Variants in GLI3 observed in about 807,000 individuals in gnomAD.
GLI3 encodes the protein GLI family zinc finger 3, also known as transcription activator GLI3.
A neutral mutation model predicts 100.8 loss-of-function variants in GLI3; 20 were observed. The ratio of observed to expected loss-of-function variants is 0.20; its 90% CI spans 0.14 to 0.29. The LOEUF (loss-of-function observed/expected upper bound fraction) is 0.29, where lower values mean the gene tolerates loss of function less well. GLI3 is among the 10% of genes least tolerant of loss of function. The pLI is 1.00. For missense variants in GLI3, 2,040 were observed against 2,128.5 expected, an observed-to-expected ratio of 0.96 and a Z score of 0.82; for synonymous variants, 938 against 860.5, an observed-to-expected ratio of 1.09 and a Z score of -1.58.
chr7:42,220,684 T>C (rs1488028572), intron 2 of GLI3, among the ~76,000 whole-genome samples: 3 of 152,246 alleles, frequency 2.0e-5, no homozygotes, highest in Non-Finnish European at 4.4e-5. Flanking sequence ...CCATGGTAAT[T>C]ATTAGCATCA....
chr7:42,255,055 C>A (rs1789071384), intron 1 of GLI3, among the ~76,000 whole-genome samples: 1 of 151,172 alleles, frequency 6.6e-6, no homozygotes, highest in African/African-American at 2.5e-5. Context: ...CTCTCTCTTA[C>A]ATCTTTTTTT....
At chr7:42,103,781 G>C (rs983246465) in intron 3 of GLI3, among the ~76,000 whole-genome samples, 3 of 152,150 alleles carry the variant, frequency 2.0e-5, no homozygotes, top group African/African-American at 7.2e-5. Flanking sequence ...AGTCAGGATG[G>C]GGCCCTAAAT....
chr7:42,232,492 G>A (rs188418902), intron 1 of GLI3, among the ~76,000 whole-genome samples: 12 of 151,688 alleles, frequency 7.9e-5, no homozygotes, highest in African/African-American at 2.4e-4. Context: ...GGCTGGGCCC[G>A]GGCAGACAAT....
At chr7:42,188,002 CAA>C (rs56140906) in intron 2 of GLI3, among the ~76,000 whole-genome samples, 11 of 85,274 alleles carry the variant, frequency 1.3e-4, no homozygotes, top group Admixed American at 1.3e-4. Flanking sequence ...GACTCCATCT[CAA>C]AAAAAAAAAA....
At chr7:42,242,148 GTCTT>G (rs995485139), upstream of GLI3, among the ~76,000 whole-genome samples, 1 of 152,088 alleles carries the variant, frequency 6.6e-6, no homozygotes, top group African/African-American at 2.4e-5. Flanking sequence ...GCAATGTTCT[GTCTT>G]TCTTTGAGTT....
Position 41,966,065 on chromosome 7 carries a change from C to G in GLI3, c.3008G>C (p.Arg1003Thr). 1 of 1,577,520 alleles carries G rather than the reference C, an allele frequency of 6.3e-7. No homozygotes were observed. The highest frequency in any genetic ancestry group is 1.1e-5 in the South Asian group (1 of 88,552). ...QPHDAPGHGV[R>T]RASDPVRTGS... is the part of the protein sequence containing the mutation. ...TGTCCGCACCGGGTCGCTGGCCCTC[C>G]TCACGCCGTGGCCCGGCGCATCGTG... The change falls in exon 15 of 15, where the codon AGG (arginine) becomes ACG (threonine). Residue 1003 changes from arginine to threonine, a missense_variant. Physicochemically the swap from Arg to Thr is moderately conservative, Grantham distance 71. Transcript: ENST00000395925. This position sits in a 1 kb window ranked among gnomAD's most constrained non-coding sequence, Gnocchi z 5.8.
chr7:42,230,175 G>A (rs939628106), intron 1 of GLI3, among the ~76,000 whole-genome samples: 4 of 144,272 alleles, frequency 2.8e-5, no homozygotes, highest in African/African-American at 1.0e-4. Flanking sequence ...ATTTTTTCAT[G>A]TATAATTATT....
chr7:42,110,081 C>T (rs1298602994), intron 3 of GLI3, among the ~76,000 whole-genome samples: 2 of 152,052 alleles, frequency 1.3e-5, no homozygotes, highest in East Asian at 3.9e-4. Flanking sequence ...TGCCTGAAGG[C>T]GGCCACAGAT....
At chr7:42,107,291 C>A (rs1024529416) in intron 3 of GLI3, among the ~76,000 whole-genome samples, 15 of 152,188 alleles carry the variant, frequency 9.9e-5, no homozygotes, top group African/African-American at 3.4e-4. Flanking sequence ...GATCACACCG[C>A]TGCACTCCAG....
intron 2 of GLI3, among the ~76,000 whole-genome samples, chr7:42,181,959 T>C (rs1003801398): frequency 4.6e-5 from 7 of 152,228 alleles, no homozygotes; most frequent in African/African-American, 1.4e-4. Flanking sequence ...GTGGTCCTTG[T>C]AGATGAGCTA....
At chr7:42,113,785 C>A (rs1361734319) in intron 3 of GLI3, among the ~76,000 whole-genome samples, 1 of 152,184 alleles carries the variant, frequency 6.6e-6, no homozygotes, top group Non-Finnish European at 1.5e-5. Context: ...GGATATATGT[C>A]CCTAATAGAA....
chr7:42,134,255 A>G (rs1158750298), intron 3 of GLI3, among the ~76,000 whole-genome samples: 1 of 152,166 alleles, frequency 6.6e-6, no homozygotes, highest in Non-Finnish European at 1.5e-5. Flanking sequence ...GCTCCCAGAC[A>G]TAAGAATACA....
upstream of GLI3, among the ~76,000 whole-genome samples, chr7:42,240,257 A>G (rs1052127171): frequency 1.6e-4 from 25 of 152,192 alleles, no homozygotes; most frequent in African/African-American, 6.0e-4. Context: ...AGAAATTTTA[A>G]TATAGTAAGT....
chr7:42,089,281 T>C (rs1785168027), intron 3 of GLI3, among the ~76,000 whole-genome samples: 1 of 152,198 alleles, frequency 6.6e-6, no homozygotes, highest in African/African-American at 2.4e-5. Context: ...TCAGAGGGTG[T>C]GGCCTACACT....
intron 4 of GLI3, among the ~76,000 whole-genome samples, chr7:42,062,575 C>T (rs1239374976): frequency 7.2e-6 from 1 of 139,090 alleles, no homozygotes; most frequent in Non-Finnish European, 1.6e-5. Flanking sequence ...ACTAAAGGAG[C>T]TTTTACCAGT....
chr7:42,043,519 G>A lies in GLI3; in HGVS notation c.826+1865C>T, dbSNP rs143052444. Among the ~76,000 whole-genome samples the A allele has an allele frequency of 3.9e-3, 601 of 152,198 alleles. 11 individuals carry two copies. Among genetic ancestry groups the A allele is most frequent in the Admixed American group, 0.027 (408 of 15,294 alleles). ...AAATATAAGCCAGAGAATTCTTATT[G>A]TTCTAACACAGATATCTCCGATCTG... On this transcript the variant is annotated intron_variant, in intron 6 of 14. Transcript: ENST00000395925.
Position 41,998,577 on chromosome 7 carries a change from C to T in GLI3, c.1498-19829G>A, listed in dbSNP as rs539058007. ...ACACCTCTCATCAGACTATGAAGTA[C>T]AAAATCCATTACTCCTAGTAAGAAA... On this transcript the variant is annotated intron_variant, in intron 10 of 14. Coordinates refer to ENST00000395925, the MANE Select transcript of GLI3 (RefSeq NM_000168.6). 1.6e-4 allele frequency among the ~76,000 whole-genome samples: 25 copies of T among 152,208 alleles called. No homozygotes were observed. In the South Asian group the frequency reaches 5.0e-3, roughly 30 times the overall value.
At chr7:42,193,753 C>T (rs893880994) in intron 2 of GLI3, among the ~76,000 whole-genome samples, 19 of 152,164 alleles carry the variant, frequency 1.2e-4, no homozygotes, top group African/African-American at 4.6e-4. Context: ...GACCCCATCC[C>T]ATCTTATTTT....
At position 42,133,600 on chromosome 7, in the gene GLI3, G is replaced by C. The variant is rs1472178216; in HGVS notation, c.367+14626C>G. Among the ~76,000 whole-genome samples, 4 of 145,998 alleles carry C rather than the reference G, an allele frequency of 2.7e-5. No individual in the cohort carries two copies. In the East Asian group the frequency reaches 8.4e-4, roughly 31 times the overall value. On this transcript the variant is annotated intron_variant, in intron 3 of 14. Transcript: ENST00000395925. ...CTTTCCTATCAAGCTCTGCATAATA[G>C]AGTTTCTAATTAGAATCTTAATACT...
Sources: allele counts gnomAD v4.1 joint callset (sites outside exome capture counted in the v4.1 genomes callset), GRCh38; gene constraint gnomAD v4.1.1; non-coding constraint Gnocchi (gnomAD v3.1); transcripts MANE v1.5; gene names NCBI Gene and HGNC (gene_info 2026-07-23, HGNC 2026-07-21).